Variants in PGAP1 observed in about 807,000 individuals in gnomAD.
PGAP1 encodes the protein post-GPI attachment to proteins inositol deacylase 1.
PGAP1 carries 76 observed loss-of-function variants against 127.0 expected under a neutral mutation model. The ratio of observed to expected loss-of-function variants is 0.60; its 90% CI spans 0.50 to 0.72. PGAP1 has a LOEUF of 0.72. Ranked by LOEUF, PGAP1 falls within the 30% of genes least tolerant of loss-of-function variation. The probability of loss-of-function intolerance (pLI) is 0.00; values close to 1 mark genes in which losing one functional copy is unlikely to be tolerated. For missense variants in PGAP1, 982 were observed against 1,071.3 expected (o/e 0.92, Z 1.16); for synonymous variants, 362 against 366.5 (o/e 0.99, Z 0.14).
At chr2:196,918,158 T>G (rs1390624060) in intron 2 of PGAP1, among the ~76,000 whole-genome samples, 2 of 152,194 alleles carry the variant, frequency 1.3e-5, no homozygotes, top group African/African-American at 4.8e-5. Context: ...AGAGCAACTT[T>G]TTTTAAAAGT....
At chr2:196,923,666 C>CTTT (rs755055183) in intron 1 of PGAP1, among the ~76,000 whole-genome samples, 2 of 144,254 alleles carry the variant, frequency 1.4e-5, no homozygotes, top group African/African-American at 2.5e-5. Context: ...TTTTTTCTTT[C>CTTT]TTTTTTTTTT....
chr2:196,905,762 A>G (rs1035979402), intron 4 of PGAP1, among the ~76,000 whole-genome samples: 1 of 146,066 alleles, frequency 6.8e-6, no homozygotes, highest in African/African-American at 2.5e-5. Flanking sequence ...CGCGAGCCGA[A>G]GCAGGGCGAG....
chr2:196,897,214 G>C lies in PGAP1; in HGVS notation c.861-17C>G. ...TGTTTACACCTAAGGAATAAAGTAA[G>C]TGTTACAAATAAAACTTTCTTAAAA... On this transcript the variant is annotated splice_polypyrimidine_tract_variant and intron_variant, in intron 6 of 26. Coordinates refer to ENST00000354764, the MANE Select transcript of PGAP1 (RefSeq NM_024989.4). 6.7e-7 allele frequency: 1 copy of C among 1,492,846 alleles called. No homozygotes were observed. The highest frequency in any genetic ancestry group is 9.1e-7 in the Non-Finnish European group (1 of 1,096,398). The allele number at this position is 1,492,846 out of a possible 1,614,324, so 92.5% of individuals were successfully genotyped here.
chr2:196,886,389 G>A (rs971960263), intron 10 of PGAP1, among the ~76,000 whole-genome samples: 13 of 151,896 alleles, frequency 8.6e-5, no homozygotes, highest in Non-Finnish European at 7.4e-5. Context: ...TTGAACTCCT[G>A]ACCTCAAGTG....
chr2:196,873,711 T>C lies in PGAP1; in HGVS notation c.1474A>G (p.Asn492Asp). ...TGTCCAAAGTTCAGAAGCTCTAGATTGTAGTATAGGCCATTTGTATTTAAC... is the reference window on the plus strand; with the variant it reads ...TGTCCAAAGTTCAGAAGCTCTAGATCGTAGTATAGGCCATTTGTATTTAAC... ...VVLNTNGLYY[N>D]LELLNFGQIY... is the part of the protein sequence containing the mutation. The change falls in exon 15 of 27, where the codon AAT (asparagine) becomes GAT (aspartate). Residue 492 changes from asparagine (N) to aspartate (D), a missense_variant. Coordinates refer to ENST00000354764, the MANE Select transcript of PGAP1 (RefSeq NM_024989.4). 1 of 1,612,096 alleles carries C rather than the reference T, an allele frequency of 6.2e-7. No individual in the cohort carries two copies.
In PGAP1 at chr2:196,841,342, T is replaced by C. The variant is rs1192616370; in HGVS notation, c.2661A>G (p.Pro887=). 27 of 1,613,542 alleles carry C rather than the reference T, an allele frequency of 1.7e-5. No homozygotes were observed. The Middle Eastern group carries it at 4.9e-4, about 29-fold the overall frequency. The change falls in exon 27 of 27, where the codon CCA becomes CCG. Residue 887 remains proline (P), a synonymous_variant. Coordinates refer to ENST00000354764, the MANE Select transcript of PGAP1 (RefSeq NM_024989.4). ...CAATCACACCAACAGCCAGAGGAAG[T>C]GGAAATTGTGAAGTAGTCTTCAACA... is the stretch of plus-strand genomic sequence containing the variant. ...SKLLKTTSQF[P]LPLAVGVIAF...
intron 25 of PGAP1, 138 bp downstream of exon 25, chr2:196,843,750 A>C: frequency 4.5e-6 from 2 of 445,892 alleles, no homozygotes; most frequent in Non-Finnish European, 7.2e-6. Flanking sequence ...ATAAATAAAT[A>C]AATAAATAAA....
rs892988588 is a variant in PGAP1 at position 196,903,673 on chromosome 2, T to C, written c.650-931A>G. ...CTTACAATCTATCTGGACAATACCA[T>C]TGACATTAGTCTTAGGACTATGCTG... On this transcript the variant is annotated intron_variant, in intron 4 of 26. Coordinates refer to ENST00000354764, the MANE Select transcript of PGAP1 (RefSeq NM_024989.4). Among the ~76,000 whole-genome samples the C allele has an allele frequency of 2.0e-5, 3 of 152,216 alleles. No homozygotes were observed. In the South Asian group the frequency reaches 6.2e-4, roughly 32 times the overall value.
At chr2:196,904,522 G>C (rs1576184457) in intron 4 of PGAP1, among the ~76,000 whole-genome samples, 1 of 152,136 alleles carries the variant, frequency 6.6e-6, no homozygotes, top group South Asian at 2.1e-4. Flanking sequence ...CGGATCATGA[G>C]GTCAAGAGAT....
At chr2:196,878,132 T>A (rs1701621398) in intron 13 of PGAP1, among the ~76,000 whole-genome samples, 1 of 152,106 alleles carries the variant, frequency 6.6e-6, no homozygotes, top group Non-Finnish European at 1.5e-5. Context: ...CATTCTTTTC[T>A]TTCTATTCCC....
chr2:196,880,320 A>G (rs967783548), intron 12 of PGAP1, among the ~76,000 whole-genome samples, 167 bp from the exon 13 acceptor site: 8 of 152,056 alleles, frequency 5.3e-5, no homozygotes, highest in African/African-American at 1.7e-4. Context: ...CCAGGTCAAT[A>G]ATCCTGTTGA....
Position 196,838,861 on chromosome 2 carries a change from T to C in PGAP1, c.*2373A>G, listed in dbSNP as rs1415678414. On this transcript the variant is annotated 3_prime_UTR_variant, in exon 27 of 27. Transcript: ENST00000354764. Reference sequence around the variant, plus strand: ...GAGTTTGAGACCAGCCTAGCCAACATGGTGAAACCCCGTCTCTACTAAAAA... The same window carrying C: ...GAGTTTGAGACCAGCCTAGCCAACACGGTGAAACCCCGTCTCTACTAAAAA... The C allele has an allele frequency of 6.6e-6, 1 of 152,242 alleles. No individual in the cohort carries two copies. The highest frequency in any genetic ancestry group is 1.5e-5 in the Non-Finnish European group (1 of 68,110). The allele number at this position is 152,242 out of a possible 1,614,324, so 9.4% of individuals were successfully genotyped here.
intron 13 of PGAP1, 48 bp downstream of exon 13, chr2:196,880,028 G>T: frequency 7.5e-7 from 1 of 1,325,478 alleles, no homozygotes; most frequent in South Asian, 1.2e-5. Context: ...GTAAAATTTA[G>T]CATGTGTCTC....
chr2:196,871,092 T>C lies in PGAP1; in HGVS notation c.1729-113A>G, dbSNP rs115075461. 251 of 722,128 alleles carry C rather than the reference T, an allele frequency of 3.5e-4. 1 individual carries two copies. The African/African-American group carries it at 4.1e-3, about 12-fold the overall frequency. The allele number at this position is 722,128 out of a possible 1,614,324, so 44.7% of individuals were successfully genotyped here. A position where few individuals can be genotyped will look rare whatever the true frequency, so the allele number is the denominator to read the frequency against. On this transcript the variant is annotated intron_variant, in intron 18 of 26. Coordinates refer to ENST00000354764, the MANE Select transcript of PGAP1 (RefSeq NM_024989.4). The stretch of plus-strand genomic sequence containing the variant: ...AAGCATAATAATTGATTTTCTATAA[T>C]GGTAAACCTTAAAGGCACTCAAGAT...
rs186393512 is a variant in PGAP1, at chr2:196,922,528, G to A, written c.148-2378C>T. The A allele has an allele frequency of 1.6e-3, 1,597 of 969,186 alleles. 2 individuals carry two copies. Among genetic ancestry groups the A allele is most frequent in the Non-Finnish European group, 1.8e-3 (1,525 of 827,232 alleles). 60.0% of individuals were successfully genotyped at this position (969,186 alleles called of 1,614,324 possible). On this transcript the variant is annotated intron_variant, in intron 1 of 26. Coordinates refer to ENST00000354764, the MANE Select transcript of PGAP1 (RefSeq NM_024989.4). ...CAGACTTGTCTCTATCCTTGCCTTC[G>A]TCTCCCTTCTATAATCCATAGTTCA... is the stretch of plus-strand genomic sequence containing the variant.
At chr2:196,921,770 A>G (rs1703201564) in intron 1 of PGAP1, among the ~76,000 whole-genome samples, 1 of 152,186 alleles carries the variant, frequency 6.6e-6, no homozygotes, top group South Asian at 2.1e-4. Flanking sequence ...ATGAATATAT[A>G]CAGAATTTTT....
intron 12 of PGAP1, among the ~76,000 whole-genome samples, chr2:196,881,151 A>G (rs1468773499): frequency 6.6e-6 from 1 of 152,166 alleles, no homozygotes; most frequent in African/African-American, 2.4e-5. Flanking sequence ...TTCATTTGCT[A>G]AGGATAATGG....
chr2:196,878,099 C>T (rs917814793), intron 13 of PGAP1, among the ~76,000 whole-genome samples: 4 of 151,996 alleles, frequency 2.6e-5, no homozygotes, highest in Non-Finnish European at 4.4e-5. Flanking sequence ...TTCTTTCTTA[C>T]CCACTAATTC....
At chr2:196,849,315 G>C (rs1235109574) in intron 20 of PGAP1, among the ~76,000 whole-genome samples, 3 of 148,550 alleles carry the variant, frequency 2.0e-5, no homozygotes, top group Non-Finnish European at 4.4e-5. Context: ...CCAGGCTGGA[G>C]TGCAGTGGCA....
Sources: allele counts gnomAD v4.1 joint callset (sites outside exome capture counted in the v4.1 genomes callset), GRCh38; gene constraint gnomAD v4.1.1; transcripts MANE v1.5; gene names NCBI Gene and HGNC (gene_info 2026-07-23, HGNC 2026-07-21).